The following ITGA7 variants were observed in gnomAD, a reference collection of about 807,000 sequenced individuals.
ITGA7 encodes the protein integrin subunit alpha 7, also known as integrin alpha-7.
A neutral mutation model predicts 131.6 loss-of-function variants in ITGA7; 84 were observed. The observed-to-expected ratio is 0.64, with a 90% CI of 0.54 to 0.77. The LOEUF is 0.77. ITGA7 is among the 30% of genes least tolerant of loss of function. The pLI is 0.00. For missense variants in ITGA7, 1,399 were observed against 1,482.9 expected (o/e 0.94, Z 0.93); for synonymous variants, 548 against 600.7 (o/e 0.91, Z 1.28).
upstream of ITGA7, chr12:55,716,278 C>T (rs1200701455): frequency 2.6e-6 from 4 of 1,530,486 alleles, no homozygotes; most frequent in African/African-American, 4.2e-5. Context: ...AGTAACTAAC[C>T]ATATCCAGGG....
At position 55,686,612 on chromosome 12, in the gene ITGA7, T is replaced by G. The variant is rs11832080; in HGVS notation, c.3184-1324A>C. Reference sequence around the variant, plus strand: ...AGTTCTCCAGAGCCCCAAGGACATGTGTGGTTCTGAACATAGCCCCCGATG... The same window carrying G: ...AGTTCTCCAGAGCCCCAAGGACATGGGTGGTTCTGAACATAGCCCCCGATG... On this transcript the variant is annotated intron_variant, in intron 24 of 24. Transcript: ENST00000257879. Among the ~76,000 whole-genome samples, 955 of 152,300 alleles carry G rather than the reference T, an allele frequency of 6.3e-3. 9 individuals carry two copies. The highest frequency in any genetic ancestry group is 0.019 in the African/African-American group (799 of 41,546).
chr12:55,686,329 G>A lies in ITGA7; in HGVS notation c.3184-1041C>T, dbSNP rs773844579. On this transcript the variant is annotated intron_variant, in intron 24 of 24. Transcript: ENST00000257879. ...AAGAAGCCACACTAGGATGTCGAGG[G>A]AGAAGCAGGGCAGAGGAAGCAGAGG... 4 of 1,303,246 alleles carry A rather than the reference G, an allele frequency of 3.1e-6. No homozygotes were observed. The South Asian group carries it at 4.8e-5, about 16-fold the overall frequency. The allele number at this position is 1,303,246 out of a possible 1,614,324, so 80.7% of individuals were successfully genotyped here.
chr12:55,702,183 T>TG (rs1247505056), intron 3 of ITGA7, among the ~76,000 whole-genome samples: 3 of 34,886 alleles, frequency 8.6e-5, no homozygotes, highest in Non-Finnish European at 1.9e-4. Flanking sequence ...ACCTAGCTAA[T>TG]TTTTTTTTTT....
chr12:55,688,391 C>G lies in ITGA7; in HGVS notation c.2959-91G>C, dbSNP rs998241733. On this transcript the variant is annotated intron_variant, in intron 22 of 24. Coordinates refer to ENST00000257879, the MANE Select transcript of ITGA7 (RefSeq NM_002206.3). Reference sequence around the variant, plus strand: ...CCTGAAATTATAAATGTAATGGTGCCCAACACAGAGGATGTTTCTGCCTGG... The same window carrying G: ...CCTGAAATTATAAATGTAATGGTGCGCAACACAGAGGATGTTTCTGCCTGG... The G allele has an allele frequency of 3.1e-6, 3 of 961,460 alleles. No homozygotes were observed. The African/African-American group carries it at 4.8e-5, about 15-fold the overall frequency. 59.6% of individuals were successfully genotyped at this position (961,460 alleles called of 1,614,324 possible).
rs1439916492 is a variant in ITGA7, at chr12:55,696,266, C to T, written c.1887+17G>A. ...TCCCAGCTCCTCCCCCTGGGCTAAA[C>T]CAGAACCCATGCTCACCTCTGCCCG... is the stretch of plus-strand genomic sequence containing the variant. On this transcript the variant is annotated intron_variant, in intron 13 of 24. Coordinates refer to ENST00000257879, the MANE Select transcript of ITGA7 (RefSeq NM_002206.3). 6.4e-7 allele frequency: 1 copy of T among 1,559,224 alleles called. No homozygotes were observed. The highest frequency in any genetic ancestry group is 8.7e-7 in the Non-Finnish European group (1 of 1,152,880).
Position 55,698,918 on chromosome 12 carries a change from C to G in ITGA7, c.791-1G>C. 6.2e-7 allele frequency: 1 copy of G among 1,608,452 alleles called. No individual in the cohort carries two copies. Among genetic ancestry groups the G allele is most frequent in the Non-Finnish European group, 8.5e-7 (1 of 1,177,458 alleles). On this transcript the variant is annotated splice_acceptor_variant, in intron 5 of 24. Transcript: ENST00000257879. LOFTEE classifies it high-confidence loss of function. The stretch of plus-strand genomic sequence containing the variant: ...CCTTTCCCCGAGTCAATAGAGAAGC[C>G]TGGGGGAAGGGTGACTTACCCCTAA...
chr12:55,699,786 T>C (rs1873537557), intron 5 of ITGA7, 84 bp downstream of exon 5: 3 of 1,497,074 alleles, frequency 2.0e-6, no homozygotes, highest in Non-Finnish European at 2.7e-6. Context: ...GAGGAGATTA[T>C]AAGGCACCAA....
upstream of ITGA7, among the ~76,000 whole-genome samples, chr12:55,708,761 GT>G (rs891107218): frequency 6.6e-6 from 1 of 152,152 alleles, no homozygotes; most frequent in African/African-American, 2.4e-5. Context: ...TACCAGACCC[GT>G]CCCAGGACTG....
chr12:55,708,019 G>A (rs1374590050), upstream of ITGA7: 2 of 1,193,882 alleles, frequency 1.7e-6, no homozygotes, highest in Non-Finnish European at 2.1e-6. Flanking sequence ...GCCCAGGCTG[G>A]TGGCTGGGAT....
upstream of ITGA7, among the ~76,000 whole-genome samples, chr12:55,709,457 T>G (rs1875836808): frequency 6.6e-6 from 1 of 152,214 alleles, no homozygotes; most frequent in African/African-American, 2.4e-5. Context: ...TTTCCAATAC[T>G]ACACCTGTGG....
Position 55,688,778 on chromosome 12 carries a change from G to A in ITGA7, c.2958+66C>T. 5 of 1,186,454 alleles carry A rather than the reference G, an allele frequency of 4.2e-6. No homozygotes were observed. The South Asian group carries it at 6.1e-5, about 14-fold the overall frequency. 73.5% of individuals were successfully genotyped at this position (1,186,454 alleles called of 1,614,324 possible). A position where few individuals can be genotyped will look rare whatever the true frequency, so the allele number is the denominator to read the frequency against. On this transcript the variant is annotated intron_variant, in intron 22 of 24. Coordinates refer to ENST00000257879, the MANE Select transcript of ITGA7 (RefSeq NM_002206.3). Reference sequence around the variant, plus strand: ...TTTGGACAGTGAGGAAGGAGGAGGAGAAATGAGTCCTGGAGGGGCTTTGGA... The same window carrying A: ...TTTGGACAGTGAGGAAGGAGGAGGAAAAATGAGTCCTGGAGGGGCTTTGGA...
Position 55,707,481 on chromosome 12 carries a change from T to C in ITGA7, c.202A>G (p.Ser68Gly). Residue 68 changes from serine to glycine, a missense_variant, in exon 1 of 25, where the codon AGC becomes GGC. Coordinates refer to ENST00000257879, the MANE Select transcript of ITGA7 (RefSeq NM_002206.3). The part of the protein sequence containing the change: ...LHRQLQPRPQ[S>G]WLLVGAPQAL... ...TGGGCGGGTGCGGTGACTCACCAGCTCTGGGGTCGGGGCTGCAACTGCCGG... is the reference window on the plus strand; with the variant it reads ...TGGGCGGGTGCGGTGACTCACCAGCCCTGGGGTCGGGGCTGCAACTGCCGG... 1 of 1,612,990 alleles carries C rather than the reference T, an allele frequency of 6.2e-7. No homozygotes were observed.
chr12:55,691,675 G>A (rs12825163), intron 21 of ITGA7, among the ~76,000 whole-genome samples: 8,773 of 152,178 alleles, frequency 0.058, 365 homozygotes, highest in Non-Finnish European at 0.088. Flanking sequence ...TAAAAGGGAG[G>A]CCTCTCAGAG....
intron 4 of ITGA7, chr12:55,700,601 C>T (rs966672406): frequency 4.9e-5 from 32 of 649,074 alleles, no homozygotes; most frequent in African/African-American, 9.1e-5. Context: ...CGTGCGGAGA[C>T]GGGAATGGCA....
In ITGA7 at chr12:55,693,460, G is replaced by A; in HGVS notation, c.2536-143C>T. 4 of 741,758 alleles carry A rather than the reference G, an allele frequency of 5.4e-6. No individual in the cohort carries two copies. The South Asian group carries it at 7.0e-5, about 13-fold the overall frequency. 45.9% of individuals were successfully genotyped at this position (741,758 alleles called of 1,614,324 possible). A position where few individuals can be genotyped will look rare whatever the true frequency, so the allele number is the denominator to read the frequency against. The stretch of plus-strand genomic sequence containing the variant: ...AGTGATCCTGCCACCTTGGCCTCCT[G>A]TAGTGCTGTGATTACAGGCATGAGC... On this transcript the variant is annotated intron_variant, in intron 19 of 24. Coordinates refer to ENST00000257879, the MANE Select transcript of ITGA7 (RefSeq NM_002206.3).
chr12:55,712,766 C>T (rs138826257), upstream of ITGA7, among the ~76,000 whole-genome samples: 167 of 152,244 alleles, frequency 1.1e-3, no homozygotes, highest in African/African-American at 3.7e-3. Flanking sequence ...AGAAAAAGAA[C>T]AGATGGAGGA....
At chr12:55,703,237 T>C (rs1396980260) in intron 1 of ITGA7, 59 bp from the exon 2 acceptor site, 2 of 1,582,232 alleles carry the variant, frequency 1.3e-6, no homozygotes, top group Non-Finnish European at 1.7e-6. Context: ...AATGACCCAA[T>C]CTCATTAGAG....
chr12:55,709,607 G>C (rs1875858761), upstream of ITGA7, among the ~76,000 whole-genome samples: 1 of 152,194 alleles, frequency 6.6e-6, no homozygotes, highest in East Asian at 1.9e-4. Flanking sequence ...CCAGACAGTA[G>C]AGAAGAGCTG....
chr12:55,697,700 G>A lies in ITGA7; in HGVS notation c.1404C>T (p.Leu468=). 6.2e-7 allele frequency: 1 copy of A among 1,614,174 alleles called. No homozygotes were observed. Among genetic ancestry groups the A allele is most frequent in the Non-Finnish European group, 8.5e-7 (1 of 1,180,018 alleles). The part of the protein sequence containing the change: ...LVGSLADTAV[L]FRARPILHVS... Reference sequence around the variant, plus strand: ...AAAGGTTGAGAGGGGCTCACCTGAAGAGCACTGCGGTGTCAGCCAGGGAGC... The same window carrying A: ...AAAGGTTGAGAGGGGCTCACCTGAAAAGCACTGCGGTGTCAGCCAGGGAGC... Residue 468 remains leucine, a synonymous_variant, in exon 9 of 25, where the codon CTC becomes CTT. Transcript: ENST00000257879.
Sources: allele counts gnomAD v4.1 joint callset (sites outside exome capture counted in the v4.1 genomes callset), GRCh38; gene constraint gnomAD v4.1.1; transcripts MANE v1.5; gene names NCBI Gene and HGNC (gene_info 2026-07-23, HGNC 2026-07-21).